FAAH2: variants seen among roughly 807,000 people sequenced by gnomAD.
FAAH2 encodes the protein fatty acid amide hydrolase 2, also known as fatty-acid amide hydrolase 2.
FAAH2 carries 60 observed loss-of-function variants against 36.9 expected under a neutral mutation model. That is an observed-to-expected ratio of 1.63 (90% CI 1.32 to 2.02). The LOEUF (loss-of-function observed/expected upper bound fraction) is 2.02. Among genes scored for constraint, FAAH2 ranks in the 30% most tolerant of loss-of-function variants. The probability of loss-of-function intolerance (pLI) is 0.00; values close to 1 mark genes in which losing one functional copy is unlikely to be tolerated. For synonymous variants in FAAH2, 214 were observed against 143.8 expected, an observed-to-expected ratio of 1.49 and a Z score of -3.49; for missense variants, 689 against 397.5, an observed-to-expected ratio of 1.73 and a Z score of -6.23.
chrX:57,302,196 A>T (rs1453607568), intron 2 of FAAH2, among the ~76,000 whole-genome samples: 1 of 111,875 alleles, frequency 8.9e-6, no homozygotes, highest in African/African-American at 3.2e-5. Flanking sequence ...TTACAGAATC[A>T]CACAGACCTG....
the FAAH2 span, among the ~76,000 whole-genome samples, chrX:57,232,169 C>T: frequency 8.9e-6 from 1 of 111,943 alleles, no homozygotes; most frequent in African/African-American, 3.2e-5. Context: ...CAAGGAAAGA[C>T]TGACAGTCTG....
At chrX:57,319,133 C>T (rs868301962) in intron 3 of FAAH2, among the ~76,000 whole-genome samples, 1 of 111,875 alleles carries the variant, frequency 8.9e-6, no homozygotes, top group Non-Finnish European at 1.9e-5. Flanking sequence ...CCCTCTCTCA[C>T]CACTCCTATT....
At chrX:57,165,743 C>A in the FAAH2 span, among the ~76,000 whole-genome samples, 3 of 110,967 alleles carry the variant, frequency 2.7e-5, no homozygotes, top group Non-Finnish European at 5.7e-5. Context: ...ATATTAAGTT[C>A]TTCAAGCTGA....
intron 8 of FAAH2, 99 bp downstream of exon 8, chrX:57,432,136 C>A: frequency 2.7e-6 from 2 of 753,019 alleles, no homozygotes; most frequent in Non-Finnish European, 3.7e-6. Context: ...AAAAGAAACT[C>A]ATGAAAAAAA....
intron 8 of FAAH2, among the ~76,000 whole-genome samples, chrX:57,438,505 G>A (rs1297144523): frequency 9.1e-6 from 1 of 109,699 alleles, no homozygotes; most frequent in African/African-American, 3.3e-5. Flanking sequence ...TTACCATACT[G>A]CTCTAAGCAA....
chrX:57,418,902 G>A (rs1396151801), intron 7 of FAAH2, among the ~76,000 whole-genome samples: 1 of 81,275 alleles, frequency 1.2e-5, no homozygotes, highest in African/African-American at 5.0e-5. Context: ...AGACTGTGAT[G>A]TTCCCCTTCC....
intron 7 of FAAH2, among the ~76,000 whole-genome samples, chrX:57,430,666 T>C (rs1158336551): frequency 8.9e-6 from 1 of 112,285 alleles, no homozygotes. Flanking sequence ...TTATTCTGAT[T>C]GCTGCTTTGA....
the FAAH2 span, among the ~76,000 whole-genome samples, chrX:57,251,781 C>T: frequency 1.8e-5 from 2 of 111,729 alleles, no homozygotes; most frequent in Non-Finnish European, 3.8e-5. Flanking sequence ...GTGAGATCGA[C>T]ACAGAAGATG....
At chrX:57,328,408 T>G (rs910986198) in intron 3 of FAAH2, among the ~76,000 whole-genome samples, 4 of 111,880 alleles carry the variant, frequency 3.6e-5, no homozygotes, top group African/African-American at 1.3e-4. Context: ...CTCTATCAGG[T>G]TGATTGTGTT....
rs779119082 is a variant in FAAH2, at chrX:57,476,136, C to T, written c.1424-12621C>T. On this transcript the variant is annotated intron_variant, in intron 10 of 10. Coordinates refer to ENST00000374900, the MANE Select transcript of FAAH2 (RefSeq NM_174912.4). ...TTTTCTAAATATACAATAACGTCAT[C>T]TGCAAACAGAGACAATTTGACTTCC... Among the ~76,000 whole-genome samples, 55 of 111,683 alleles carry T rather than the reference C, an allele frequency of 4.9e-4. 1 individual carries two copies. Among genetic ancestry groups the T allele is most frequent in the African/African-American group, 1.7e-3 (51 of 30,765 alleles).
intron 8 of FAAH2, among the ~76,000 whole-genome samples, chrX:57,445,099 G>T (rs780944324): frequency 9.9e-5 from 11 of 111,555 alleles, no homozygotes; most frequent in Non-Finnish European, 1.5e-4. Context: ...AATATTCACC[G>T]TCTGTGCTTG....
chrX:57,181,212 C>A, the FAAH2 span, among the ~76,000 whole-genome samples: 1 of 110,974 alleles, frequency 9.0e-6, no homozygotes, highest in African/African-American at 3.3e-5. Context: ...ACCTTGAAAA[C>A]CCAAATATAT....
the FAAH2 span, among the ~76,000 whole-genome samples, chrX:57,207,289 A>G: frequency 1.2e-4 from 13 of 111,481 alleles, no homozygotes; most frequent in South Asian, 4.1e-3. Flanking sequence ...CAGGTTGTCC[A>G]TCAGGCCCTT....
At chrX:57,177,105 C>T in the FAAH2 span, among the ~76,000 whole-genome samples, 1 of 111,309 alleles carries the variant, frequency 9.0e-6, no homozygotes, top group African/African-American at 3.3e-5. Flanking sequence ...CTGGCTGTGA[C>T]TAAAGCAGGT....
chrX:57,407,122 G>T (rs1370067923), intron 7 of FAAH2, among the ~76,000 whole-genome samples: 3 of 112,190 alleles, frequency 2.7e-5, no homozygotes, highest in Non-Finnish European at 5.6e-5. Flanking sequence ...CCAAAGGCTA[G>T]ATCTCTAGGG....
intron 5 of FAAH2, among the ~76,000 whole-genome samples, chrX:57,370,983 T>A (rs1714180851): frequency 8.9e-6 from 1 of 111,906 alleles, no homozygotes; most frequent in Non-Finnish European, 1.9e-5. Flanking sequence ...TACAGAACAT[T>A]CCACCCAACA....
chrX:57,431,250 A>G (rs1291877036), intron 7 of FAAH2, among the ~76,000 whole-genome samples: 1 of 111,981 alleles, frequency 8.9e-6, no homozygotes, highest in Non-Finnish European at 1.9e-5. Context: ...TTATAGGTCT[A>G]GAAGCAAAGA....
At chrX:57,406,529 C>A (rs1387039918) in intron 7 of FAAH2, among the ~76,000 whole-genome samples, 1 of 112,187 alleles carries the variant, frequency 8.9e-6, no homozygotes, top group African/African-American at 3.2e-5. Context: ...GCTGCACCAG[C>A]AACTTGTCCT....
At chrX:57,432,991 T>A (rs984903258) in intron 8 of FAAH2, among the ~76,000 whole-genome samples, 1 of 109,467 alleles carries the variant, frequency 9.1e-6, no homozygotes, top group Non-Finnish European at 1.9e-5. Flanking sequence ...AAGTCACTTT[T>A]AAAATTTTTT....
Sources: allele counts gnomAD v4.1 joint callset (sites outside exome capture counted in the v4.1 genomes callset), GRCh38; gene constraint gnomAD v4.1.1; transcripts MANE v1.5; gene names NCBI Gene and HGNC (gene_info 2026-07-23, HGNC 2026-07-21).